The following AFG1L variants were observed in gnomAD, a reference collection of about 807,000 sequenced individuals.
The protein encoded by AFG1L is AFG1 like ATPase, also known as AFG1-like ATPase.
In AFG1L, 53 loss-of-function variants were observed where a neutral mutation model predicts 62.2. The observed-to-expected ratio is 0.85, with a 90% CI of 0.68 to 1.07. AFG1L has a LOEUF of 1.07. Ranked by LOEUF, AFG1L falls within the 50% of genes least tolerant of loss-of-function variation. AFG1L has a pLI of 0.00. For missense variants in AFG1L, 555 were observed against 590.5 expected, an observed-to-expected ratio of 0.94 and a Z score of 0.62; for synonymous variants, 228 against 210.3, an observed-to-expected ratio of 1.08 and a Z score of -0.73.
At chr6:108,333,011 T>C (rs1415578359) in intron 2 of AFG1L, among the ~76,000 whole-genome samples, 4 of 152,232 alleles carry the variant, frequency 2.6e-5, no homozygotes, top group African/African-American at 7.2e-5. Context: ...TAAACACTGA[T>C]ACATTTGACT....
In AFG1L at chr6:108,298,443, T is replaced by G. The variant is rs1776854369; in HGVS notation, c.139+3225T>G. 2.6e-5 allele frequency among the ~76,000 whole-genome samples: 4 copies of G among 151,984 alleles called. No individual in the cohort carries two copies. In the South Asian group the frequency reaches 8.3e-4, roughly 32 times the overall value. ...ACCACACCCAACTAATTTTCGTATT[T>G]TTAGTAGAGAGGGGGTTTCAACATG... On this transcript the variant is annotated intron_variant, in intron 1 of 12. Coordinates refer to ENST00000368977, the MANE Select transcript of AFG1L (RefSeq NM_145315.5).
chr6:108,346,509 G>A (rs1289921966), intron 2 of AFG1L, among the ~76,000 whole-genome samples: 1 of 152,016 alleles, frequency 6.6e-6, no homozygotes, highest in Non-Finnish European at 1.5e-5. Context: ...GGGACCACAG[G>A]CGCATGCCAC....
At chr6:108,335,808 G>A (rs951426264) in intron 2 of AFG1L, among the ~76,000 whole-genome samples, 1 of 152,196 alleles carries the variant, frequency 6.6e-6, no homozygotes, top group Non-Finnish European at 1.5e-5. Flanking sequence ...TCCCAGTGGT[G>A]CACACAGGAA....
intron 8 of AFG1L, among the ~76,000 whole-genome samples, chr6:108,470,667 G>A (rs1772848981): frequency 6.6e-6 from 1 of 152,140 alleles, no homozygotes; most frequent in African/African-American, 2.4e-5. Context: ...GTGATGCTAG[G>A]AACAGTATTA....
intron 6 of AFG1L, among the ~76,000 whole-genome samples, chr6:108,386,887 AAAAT>A (rs932065726): frequency 2.6e-5 from 4 of 152,238 alleles, no homozygotes; most frequent in Non-Finnish European, 5.9e-5. Context: ...AACAACAACT[AAAAT>A]AAAGGCTGAT....
At chr6:108,381,711 A>G (rs1780534007) in intron 6 of AFG1L, among the ~76,000 whole-genome samples, 1 of 152,250 alleles carries the variant, frequency 6.6e-6, no homozygotes, top group Non-Finnish European at 1.5e-5. Flanking sequence ...ACATTCCAAT[A>G]GGGAAATATA....
At chr6:108,492,880 G>T (rs888915761) in intron 10 of AFG1L, among the ~76,000 whole-genome samples, 1 of 151,944 alleles carries the variant, frequency 6.6e-6, no homozygotes, top group Non-Finnish European at 1.5e-5. Context: ...TCATGTTAAA[G>T]TAAATGCCTT....
Position 108,423,628 on chromosome 6 carries a change from G to A in AFG1L, c.807+21574G>A, listed in dbSNP as rs149471300. Among the ~76,000 whole-genome samples the A allele has an allele frequency of 4.7e-4, 71 of 151,900 alleles. 1 individual carries two copies. In the East Asian group the frequency reaches 0.011, roughly 24 times the overall value. Reference sequence around the variant, plus strand: ...TCTACACCTCCCATTTTTAAGTTGCGTTAAATAGTATATATAGGTTATTGG... The same window carrying A: ...TCTACACCTCCCATTTTTAAGTTGCATTAAATAGTATATATAGGTTATTGG... On this transcript the variant is annotated intron_variant, in intron 7 of 12. Transcript: ENST00000368977.
intron 2 of AFG1L, among the ~76,000 whole-genome samples, chr6:108,341,739 G>A (rs902499400): frequency 1.3e-5 from 2 of 151,988 alleles, no homozygotes; most frequent in Non-Finnish European, 2.9e-5. Flanking sequence ...TGATCTATCT[G>A]CACAATCTAA....
intron 6 of AFG1L, among the ~76,000 whole-genome samples, chr6:108,387,223 CT>C (rs1780801801): frequency 6.6e-6 from 1 of 152,230 alleles, no homozygotes. Flanking sequence ...CTGGGCTTCT[CT>C]TTCACAGCAA....
intron 8 of AFG1L, among the ~76,000 whole-genome samples, chr6:108,469,688 A>G (rs544223521): frequency 1.3e-5 from 2 of 152,322 alleles, no homozygotes; most frequent in East Asian, 3.9e-4. Flanking sequence ...GATAATGCCA[A>G]GGTTGCAGTG....
chr6:108,476,765 C>T, intron 8 of AFG1L, 100 bp from the exon 9 acceptor site: 1 of 745,952 alleles, frequency 1.3e-6, no homozygotes. Context: ...ACATCCTGTT[C>T]TTTTTTTTTA....
chr6:108,381,997 G>GTTTT (rs768825605), intron 6 of AFG1L, among the ~76,000 whole-genome samples: 31 of 118,304 alleles, frequency 2.6e-4, no homozygotes, highest in Admixed American at 9.8e-4. Context: ...TTTATTCACT[G>GTTTT]TTTTTTTTTT....
intron 6 of AFG1L, among the ~76,000 whole-genome samples, chr6:108,377,346 C>T (rs757886201): frequency 6.6e-6 from 1 of 152,014 alleles, no homozygotes; most frequent in Non-Finnish European, 1.5e-5. Context: ...GGTCTGTGGG[C>T]TATGTACTTA....
chr6:108,447,912 A>G (rs889473238), intron 8 of AFG1L, among the ~76,000 whole-genome samples: 1 of 152,232 alleles, frequency 6.6e-6, no homozygotes. Flanking sequence ...GCTTTAAAAA[A>G]GCAAACTTGT....
intron 8 of AFG1L, among the ~76,000 whole-genome samples, chr6:108,466,303 C>T (rs958789089): frequency 5.3e-5 from 8 of 152,146 alleles, no homozygotes; most frequent in African/African-American, 1.7e-4. Context: ...ATATGCCCAA[C>T]AGATATGTAT....
intron 5 of AFG1L, among the ~76,000 whole-genome samples, chr6:108,360,707 A>C (rs2114478105): frequency 6.6e-6 from 1 of 152,304 alleles, no homozygotes; most frequent in East Asian, 1.9e-4. Flanking sequence ...CCCCTAAGGG[A>C]AGAAGTGATC....
chr6:108,523,616 T>G lies in AFG1L; in HGVS notation c.*1191T>G, dbSNP rs1288250793. 6.6e-6 allele frequency: 1 copy of G among 152,194 alleles called. No homozygotes were observed. The highest frequency in any genetic ancestry group is 1.5e-5 in the Non-Finnish European group (1 of 68,040). 9.4% of individuals were successfully genotyped at this position (152,194 alleles called of 1,614,324 possible). A position where few individuals can be genotyped will look rare whatever the true frequency, so the allele number is the denominator to read the frequency against. ...TCAACATAAGTAAGCTCTTTGAACCTATTTATTTTCTATTTATTATTATTT... is the reference window on the plus strand; with the variant it reads ...TCAACATAAGTAAGCTCTTTGAACCGATTTATTTTCTATTTATTATTATTT... On this transcript the variant is annotated 3_prime_UTR_variant, in exon 13 of 13. Transcript: ENST00000368977.
chr6:108,430,604 G>T (rs893042971), intron 7 of AFG1L, among the ~76,000 whole-genome samples: 2 of 152,100 alleles, frequency 1.3e-5, no homozygotes, highest in Admixed American at 6.5e-5. Context: ...TGAACATCAG[G>T]TAATGCATTG....
Sources: gnomAD v4.1 joint callset for allele counts (sites outside exome capture counted in the v4.1 genomes callset) on GRCh38, gnomAD v4.1.1 for gene constraint, MANE v1.5 for transcripts, NCBI Gene and HGNC (gene_info 2026-07-23, HGNC 2026-07-21) for gene names.